The following PTK2 variants were observed in gnomAD, a reference collection of about 807,000 sequenced individuals.
PTK2 encodes protein tyrosine kinase 2, also known as focal adhesion kinase 1.
In PTK2, 45 loss-of-function variants were observed where a neutral mutation model predicts 150.1. The ratio of observed to expected loss-of-function variants is 0.30; its 90% CI spans 0.24 to 0.38. The LOEUF is 0.38. Among genes scored for constraint, PTK2 ranks in the 10% least tolerant of loss-of-function variants. PTK2 has a pLI of 1.00. For synonymous variants in PTK2, 432 were observed against 449.2 expected (o/e 0.96, Z 0.48); for missense variants, 919 against 1,307.3 (o/e 0.70, Z 4.58).
At chr8:140,665,104 C>A (rs759009068) in intron 30 of PTK2, 107 bp from the exon 35 acceptor site, 4 of 1,041,460 alleles carry the variant, frequency 3.8e-6, no homozygotes, top group Non-Finnish European at 5.5e-6. Context: ...AGGCAAATTT[C>A]TGTATTTCTT....
At position 140,890,621 on chromosome 8, in the gene PTK2, G is replaced by A. The variant is rs763043801; in HGVS notation, c.117C>T (p.Val39=). Residue 39 remains valine, a synonymous_variant, in exon 3 of 32, where the codon GTC becomes GTT. Coordinates refer to ENST00000522684, the Ensembl canonical transcript of PTK2. ...CACTATTGCTTTCAAAATAATGAAA[G>A]ACCTTTAATACTCGCTCCATTGCAC... 4 of 1,614,016 alleles carry A rather than the reference G, an allele frequency of 2.5e-6. No homozygotes were observed. In the South Asian group the frequency reaches 4.4e-5, roughly 18 times the overall value.
chr8:140,750,880 T>C (rs553037454), intron 17 of PTK2, among the ~76,000 whole-genome samples: 3 of 152,216 alleles, frequency 2.0e-5, no homozygotes, highest in African/African-American at 4.8e-5. Context: ...AACTTTAGAA[T>C]AGCCTGGGAA....
chr8:140,811,311 C>G (rs184365790), intron 10 of PTK2, among the ~76,000 whole-genome samples: 116 of 152,270 alleles, frequency 7.6e-4, no homozygotes, highest in African/African-American at 2.5e-3. Flanking sequence ...GGCACTGGTC[C>G]CCTAAAATAT....
chr8:140,803,689 A>G (rs1219407894), intron 10 of PTK2, 39 bp from the exon 11 acceptor site: 1 of 1,531,796 alleles, frequency 6.5e-7, no homozygotes, highest in East Asian at 2.2e-5. Flanking sequence ...ACTACGGATA[A>G]AAAACTCATT....
At chr8:140,997,049 T>C (rs1364960161) in intron 1 of PTK2, among the ~76,000 whole-genome samples, 1 of 152,218 alleles carries the variant, frequency 6.6e-6, no homozygotes, top group Non-Finnish European at 1.5e-5. Flanking sequence ...AATAGCATTA[T>C]GAACAGGAGT....
At chr8:140,734,506 T>C (rs1592783118) in intron 22 of PTK2, among the ~76,000 whole-genome samples, 1 of 152,132 alleles carries the variant, frequency 6.6e-6, no homozygotes, top group Non-Finnish European at 1.5e-5. Flanking sequence ...GCTGGGGACA[T>C]GCACAAGCGA....
intron 27 of PTK2, among the ~76,000 whole-genome samples, chr8:140,681,725 C>T (rs550589099): frequency 1.3e-3 from 203 of 152,182 alleles, no homozygotes; most frequent in Middle Eastern, 3.4e-3. Flanking sequence ...TGCCGTGAGC[C>T]GAGATCGCGC....
chr8:140,801,524 C>T (rs1385648345), intron 11 of PTK2, among the ~76,000 whole-genome samples: 1 of 152,166 alleles, frequency 6.6e-6, no homozygotes, highest in African/African-American at 2.4e-5. Context: ...TGGCCAACCT[C>T]TCATGCCTCA....
chr8:140,660,614 TA>T (rs1377610557), intron 31 of PTK2: 1 of 455,244 alleles, frequency 2.2e-6, no homozygotes, highest in Non-Finnish European at 4.4e-6. Flanking sequence ...TATTCCAAGC[TA>T]CTCAGGAGGC....
chr8:140,878,008 G>A (rs535370468), intron 4 of PTK2, among the ~76,000 whole-genome samples: 1 of 152,038 alleles, frequency 6.6e-6, no homozygotes, highest in Admixed American at 6.6e-5. Context: ...ACCTGAGTAG[G>A]GGAGTTCAAG....
chr8:140,872,651 TG>T (rs1338580092), intron 4 of PTK2, among the ~76,000 whole-genome samples: 1 of 152,202 alleles, frequency 6.6e-6, no homozygotes. Flanking sequence ...CTGGAGCCTG[TG>T]GGGATTGGGA....
intron 13 of PTK2, among the ~76,000 whole-genome samples, chr8:140,791,129 T>C (rs1191207650): frequency 6.6e-6 from 1 of 152,248 alleles, no homozygotes; most frequent in Non-Finnish European, 1.5e-5. Context: ...ACTACCTTCC[T>C]CACTCACTTT....
At chr8:140,861,865 A>AT (rs1209427308) in intron 5 of PTK2, among the ~76,000 whole-genome samples, 2 of 152,046 alleles carry the variant, frequency 1.3e-5, no homozygotes, top group East Asian at 1.9e-4. Flanking sequence ...CTTGATCAGA[A>AT]TTTTTTTTAG....
intron 7 of PTK2, among the ~76,000 whole-genome samples, chr8:140,845,604 T>C (rs1196447957): frequency 6.6e-6 from 1 of 152,226 alleles, no homozygotes; most frequent in Non-Finnish European, 1.5e-5. Context: ...TGTTATAATT[T>C]TGCTTACTTG....
intron 21 of PTK2, among the ~76,000 whole-genome samples, chr8:140,737,771 T>C (rs1297826473): frequency 6.6e-6 from 1 of 152,186 alleles, no homozygotes; most frequent in African/African-American, 2.4e-5. Flanking sequence ...AATGTTAACA[T>C]GTAAAAAAAT....
chr8:140,803,470 T>C, intron 11 of PTK2, 73 bp downstream of exon 11: 4 of 1,267,620 alleles, frequency 3.2e-6, no homozygotes, highest in Non-Finnish European at 4.6e-6. Context: ...ATCCTTTTCA[T>C]AAAAAAGTCA....
intron 22 of PTK2, chr8:140,732,502 C>A (rs1015448413): frequency 3.9e-6 from 2 of 517,134 alleles, no homozygotes; most frequent in African/African-American, 2.0e-5. Flanking sequence ...GAATTCAGTG[C>A]CTGGGTGACT....
rs1487993702 is a variant in PTK2, at chr8:140,800,560, G to A, written c.992C>T (p.Ala331Val). Reference sequence around the variant, plus strand: ...ATTCTCCGCAATGGTTAGGGATGGTGCCGTCACTGTCAGAGGCTAACGGAG... The same window carrying A: ...ATTCTCCGCAATGGTTAGGGATGGTACCGTCACTGTCAGAGGCTAACGGAG... The change falls in exon 12 of 32, where the codon GCA becomes GTA. Residue 331 changes from alanine to valine, a missense_variant. By Grantham distance (64) the Ala-to-Val change is moderately conservative (BLOSUM62 0). Around this residue, in one of 3 missense-constraint regions of PTK2, gnomAD observed 555 missense variants for 880.1 expected, o/e 0.63. Coordinates refer to ENST00000522684, the Ensembl canonical transcript of PTK2. 3 of 1,613,386 alleles carry A rather than the reference G, an allele frequency of 1.9e-6. No individual in the cohort carries two copies. In the Admixed American group the frequency reaches 5.0e-5, roughly 27 times the overall value.
intron 1 of PTK2, among the ~76,000 whole-genome samples, chr8:140,965,441 C>G (rs1486434452): frequency 1.3e-5 from 2 of 152,180 alleles, no homozygotes; most frequent in African/African-American, 4.8e-5. Context: ...GTGACAGACA[C>G]AAGCCATGCA....
Sources: allele counts gnomAD v4.1 joint callset (sites outside exome capture counted in the v4.1 genomes callset), GRCh38; gene constraint gnomAD v4.1.1; regional missense constraint gnomAD v4.1.1; transcripts MANE v1.5; gene names NCBI Gene and HGNC (gene_info 2026-07-23, HGNC 2026-07-21).